The following CEP55 variants were observed in gnomAD, a reference collection of about 807,000 sequenced individuals.
CEP55 encodes centrosomal protein of 55 kDa.
CEP55 carries 57 observed loss-of-function variants against 63.2 expected under a neutral mutation model. The observed-to-expected ratio is 0.90, with a 90% CI of 0.73 to 1.13. The LOEUF (loss-of-function observed/expected upper bound fraction) is 1.13, where lower values mean the gene tolerates loss of function less well. Among genes scored for constraint, CEP55 ranks in the 50% most tolerant of loss-of-function variants. The pLI, the probability that CEP55 is intolerant of heterozygous loss-of-function variation, is 0.00. For missense variants in CEP55, 456 were observed against 518.9 expected (o/e 0.88, Z 1.18); for synonymous variants, 178 against 191.6 (o/e 0.93, Z 0.59).
intron 8 of CEP55, chr10:93,520,070 G>A (rs1220173626): frequency 6.4e-6 from 3 of 468,626 alleles, no homozygotes; most frequent in Admixed American, 3.4e-5. Context: ...CCTGAGCTGG[G>A]GTCAAAAGGG....
chr10:93,500,303 C>G (rs2057620360), intron 2 of CEP55, 69 bp downstream of exon 2: 1 of 1,267,982 alleles, frequency 7.9e-7, no homozygotes, highest in Non-Finnish European at 1.1e-6. Flanking sequence ...TTTCCTGATG[C>G]TACCTTCTTA....
intron 1 of CEP55, 23 bp downstream of exon 1, chr10:93,496,946 T>C (rs1051681878): frequency 6.6e-6 from 1 of 152,286 alleles, no homozygotes; most frequent in Non-Finnish European, 1.5e-5. Flanking sequence ...TCCTTACAGA[T>C]AGGCGCAGAG....
chr10:93,506,467 A>C (rs2057689698), intron 3 of CEP55, among the ~76,000 whole-genome samples: 1 of 152,170 alleles, frequency 6.6e-6, no homozygotes, highest in Admixed American at 6.5e-5. Context: ...CAGGATTTCC[A>C]GTCTGTTTGG....
intron 6 of CEP55, 77 bp downstream of exon 6, chr10:93,517,325 G>A (rs1310890376): frequency 4.9e-6 from 6 of 1,213,754 alleles, no homozygotes; most frequent in Non-Finnish European, 5.8e-6. Flanking sequence ...GACCACTAGA[G>A]AACTGGCTAG....
intron 8 of CEP55, among the ~76,000 whole-genome samples, chr10:93,522,605 C>T (rs541597741): frequency 2.4e-4 from 36 of 152,102 alleles, no homozygotes; most frequent in Admixed American, 1.9e-3. Flanking sequence ...AGATACTCCT[C>T]GAGAAGAGCA....
In CEP55 at chr10:93,528,381, G is replaced by A; in HGVS notation, c.*228G>A. ...AGGCTGCAATGACAGAATGTGGTGA[G>A]CAGCGTCTACTGAGACTACTAACAT... On this transcript the variant is annotated 3_prime_UTR_variant, in exon 9 of 9. Transcript: ENST00000371485. 1 of 555,910 alleles carries A rather than the reference G, an allele frequency of 1.8e-6. No individual in the cohort carries two copies. The highest frequency in any genetic ancestry group is 3.3e-5 in the Admixed American group (1 of 30,760). The allele number at this position is 555,910 out of a possible 1,614,324, so 34.4% of individuals were successfully genotyped here. A position where few individuals can be genotyped will look rare whatever the true frequency, so the allele number is the denominator to read the frequency against.
At chr10:93,497,729 G>C (rs528994799) in intron 1 of CEP55, among the ~76,000 whole-genome samples, 1 of 151,778 alleles carries the variant, frequency 6.6e-6, no homozygotes, top group South Asian at 2.1e-4. Context: ...GGGTGGGGGT[G>C]GGGCAGCTAT....
Position 93,503,233 on chromosome 10 carries a change from G to C in CEP55, c.304G>C (p.Glu102Gln), listed in dbSNP as rs1196829312. The change falls in exon 3 of 9, where the codon GAA (glutamate) becomes CAA (glutamine). Residue 102 changes from glutamate to glutamine, a missense_variant. Coordinates refer to ENST00000371485, the MANE Select transcript of CEP55 (RefSeq NM_018131.5). ...KARYSTTTLL[E>Q]QLEETTREGE... ...CAGATATAGTACTACCACATTGCTT[G>C]AACAGCTGGAAGAGACAACGAGAGA... 7.4e-6 allele frequency: 12 copies of C among 1,614,056 alleles called. No homozygotes were observed. Among genetic ancestry groups the C allele is most frequent in the Non-Finnish European group, 1.0e-5 (12 of 1,179,972 alleles).
rs1368182759 is a variant in CEP55, at chr10:93,524,424, C to T, written c.1192-3526C>T. Reference sequence around the variant, plus strand: ...AATCTCTGAATAGATCAATAACAGGCTCTGAAATTGAGGCAATAATTAATA... The same window carrying T: ...AATCTCTGAATAGATCAATAACAGGTTCTGAAATTGAGGCAATAATTAATA... On this transcript the variant is annotated intron_variant, in intron 8 of 8. Coordinates refer to ENST00000371485, the MANE Select transcript of CEP55 (RefSeq NM_018131.5). Among the ~76,000 whole-genome samples the T allele has an allele frequency of 2.6e-5, 4 of 152,062 alleles. No individual in the cohort carries two copies. The East Asian group carries it at 5.8e-4, about 22-fold the overall frequency.
rs117300220 is a variant in CEP55 at position 93,516,363 on chromosome 10, T to G, written c.680-572T>G. On this transcript the variant is annotated intron_variant, in intron 5 of 8. Transcript: ENST00000371485. ...GGCACTTCAAAGCTGTCAGCCCTAA[T>G]GGCACTAAGTTGCTTCTATAAAATA... Among the ~76,000 whole-genome samples the G allele has an allele frequency of 2.0e-3, 298 of 152,342 alleles. 4 individuals carry two copies. In the East Asian group the frequency reaches 0.022, roughly 11 times the overall value.
intron 6 of CEP55, among the ~76,000 whole-genome samples, chr10:93,518,491 G>A (rs2057825988): frequency 6.6e-6 from 1 of 152,144 alleles, no homozygotes; most frequent in Admixed American, 6.6e-5. Context: ...TCTGTCTACA[G>A]GTATGAGCAG....
At chr10:93,500,648 A>G (rs1422481184) in intron 2 of CEP55, among the ~76,000 whole-genome samples, 2 of 152,222 alleles carry the variant, frequency 1.3e-5, no homozygotes, top group Non-Finnish European at 2.9e-5. Flanking sequence ...TAACTACATG[A>G]ATATTCTTGA....
intron 2 of CEP55, among the ~76,000 whole-genome samples, chr10:93,502,620 T>C (rs1367613852): frequency 2.0e-5 from 3 of 152,256 alleles, no homozygotes; most frequent in Admixed American, 2.0e-4. Flanking sequence ...GATTCAATAC[T>C]GAATCATTTA....
chr10:93,497,582 A>T (rs11187469), intron 1 of CEP55, among the ~76,000 whole-genome samples: 89,849 of 151,922 alleles, frequency 0.59, 27,347 homozygotes, highest in Non-Finnish European at 0.65. Context: ...AACCAATCAT[A>T]TCTGAGGGCT....
chr10:93,520,302 C>CT (rs1315603217), intron 8 of CEP55: 2 of 160,892 alleles, frequency 1.2e-5, no homozygotes, highest in Non-Finnish European at 2.7e-5. Flanking sequence ...TGGCGGGTGC[C>CT]TGTAACCTCA....
In CEP55 at chr10:93,503,280, G is replaced by C; in HGVS notation, c.351G>C (p.Val117=). The C allele has an allele frequency of 6.2e-7, 1 of 1,614,214 alleles. No individual in the cohort carries two copies. The highest frequency in any genetic ancestry group is 1.7e-5 in the Admixed American group (1 of 60,024). The change falls in exon 3 of 9, where the codon GTG becomes GTC. Residue 117 remains valine, a synonymous_variant. Transcript: ENST00000371485. ...TTREGERREQ[V]LKALSEEKDV... ...GAGAAGGAGAAAGGAGGGAGCAGGTGTTGAAAGCCTTATCTGAAGAGAAAG... is the reference window on the plus strand; with the variant it reads ...GAGAAGGAGAAAGGAGGGAGCAGGTCTTGAAAGCCTTATCTGAAGAGAAAG...
chr10:93,519,978 A>G (rs558451872), intron 8 of CEP55, 171 bp downstream of exon 8: 1 of 680,996 alleles, frequency 1.5e-6, no homozygotes, highest in Non-Finnish European at 2.5e-6. Flanking sequence ...AATTCAGAGG[A>G]CATGAAAGAG....
chr10:93,519,601 A>G (rs377307119), intron 7 of CEP55, 81 bp from the exon 8 acceptor site: 4 of 1,447,014 alleles, frequency 2.8e-6, no homozygotes, highest in African/African-American at 2.8e-5. Flanking sequence ...TTCATGTGCT[A>G]ATAAAAAAAT....
At chr10:93,526,216 A>G (rs2057920129) in intron 8 of CEP55, among the ~76,000 whole-genome samples, 1 of 152,254 alleles carries the variant, frequency 6.6e-6, no homozygotes, top group Admixed American at 6.5e-5. Context: ...TCCAGAATCT[A>G]CAAAGAACTT....
Sources: allele counts gnomAD v4.1 joint callset (sites outside exome capture counted in the v4.1 genomes callset), GRCh38; gene constraint gnomAD v4.1.1; transcripts MANE v1.5; gene names NCBI Gene and HGNC (gene_info 2026-07-23, HGNC 2026-07-21).